B3GALT1: variants seen among roughly 807,000 people sequenced by gnomAD.
The protein encoded by B3GALT1 is UDP-Gal:betaGlcNAc beta 1,3-galactosyltransferase, polypeptide 1.
B3GALT1 carries 10 observed loss-of-function variants against 23.2 expected under a neutral mutation model. The ratio of observed to expected loss-of-function variants is 0.43; its 90% CI spans 0.27 to 0.73. The LOEUF is 0.73. B3GALT1 is among the 30% of genes least tolerant of loss of function. B3GALT1 has a pLI of 0.21. For missense variants in B3GALT1, 299 were observed against 405.4 expected, an observed-to-expected ratio of 0.74 and a Z score of 2.25; for synonymous variants, 156 against 141.5, an observed-to-expected ratio of 1.10 and a Z score of -0.73.
chr2:167,352,170 T>C lies in B3GALT1; in HGVS notation c.-511+58836T>C, dbSNP rs536280545. Reference sequence around the variant, plus strand: ...TTTTCGTAGAGAAGGGGTTTCCCCATGTTGGCCAGGATGGTCTTGATCTCC... The same window carrying C: ...TTTTCGTAGAGAAGGGGTTTCCCCACGTTGGCCAGGATGGTCTTGATCTCC... On this transcript the variant is annotated intron_variant, in intron 1 of 4. Coordinates refer to ENST00000392690, the MANE Select transcript of B3GALT1 (RefSeq NM_020981.4). Among the ~76,000 whole-genome samples the C allele has an allele frequency of 3.5e-3, 532 of 150,268 alleles. 2 individuals are homozygous for C. Among genetic ancestry groups the C allele is most frequent in the African/African-American group, 0.012 (501 of 40,780 alleles).
At chr2:167,308,815 A>G (rs1259488616) in intron 1 of B3GALT1, among the ~76,000 whole-genome samples, 1 of 151,998 alleles carries the variant, frequency 6.6e-6, no homozygotes, top group African/African-American at 2.4e-5. Context: ...AAGTGACTTG[A>G]TGGCTGATCC....
At chr2:167,576,021 A>G (rs1412465493) in intron 2 of B3GALT1, among the ~76,000 whole-genome samples, 1 of 151,778 alleles carries the variant, frequency 6.6e-6, no homozygotes, top group Non-Finnish European at 1.5e-5. Context: ...AAAAATCCAT[A>G]TACTCAGTAC....
intron 2 of B3GALT1, among the ~76,000 whole-genome samples, chr2:167,499,565 G>C (rs1468508902): frequency 6.6e-6 from 1 of 152,106 alleles, no homozygotes; most frequent in African/African-American, 2.4e-5. Context: ...ACTAGAAGTG[G>C]TTACCTAAAA....
chr2:167,566,210 A>G (rs1308459309), intron 2 of B3GALT1, among the ~76,000 whole-genome samples: 3 of 152,314 alleles, frequency 2.0e-5, no homozygotes, highest in Admixed American at 6.5e-5. Flanking sequence ...AGGAACATGG[A>G]TGAAATTGAA....
At chr2:167,615,465 G>A (rs1685143905) in intron 2 of B3GALT1, among the ~76,000 whole-genome samples, 1 of 151,896 alleles carries the variant, frequency 6.6e-6, no homozygotes, top group Admixed American at 6.6e-5. Flanking sequence ...AAGTTTAGAA[G>A]GTCTACTGTG....
chr2:167,352,420 T>A (rs1434248481), intron 1 of B3GALT1, among the ~76,000 whole-genome samples: 1 of 151,468 alleles, frequency 6.6e-6, no homozygotes, highest in East Asian at 2.0e-4. Context: ...TGTGAAATAA[T>A]TAAGATATCT....
intron 3 of B3GALT1, among the ~76,000 whole-genome samples, chr2:167,669,235 T>G (rs1295952214): frequency 6.6e-6 from 1 of 152,244 alleles, no homozygotes; most frequent in Non-Finnish European, 1.5e-5. Flanking sequence ...GTATACTTAT[T>G]GAATGGTTCC....
intron 1 of B3GALT1, among the ~76,000 whole-genome samples, chr2:167,344,873 C>T (rs896889597): frequency 2.0e-5 from 3 of 152,096 alleles, no homozygotes; most frequent in Non-Finnish European, 4.4e-5. Context: ...AATTTTCTTC[C>T]AGTCATATGA....
At chr2:167,368,204 G>T (rs1697622685) in intron 1 of B3GALT1, among the ~76,000 whole-genome samples, 1 of 152,166 alleles carries the variant, frequency 6.6e-6, no homozygotes, top group South Asian at 2.1e-4. Context: ...GAGAAAAATT[G>T]TCTTCTGGAG....
intron 1 of B3GALT1, among the ~76,000 whole-genome samples, chr2:167,424,120 A>G (rs1329700095): frequency 1.3e-5 from 2 of 152,214 alleles, no homozygotes; most frequent in African/African-American, 2.4e-5. Context: ...GCAATTTATT[A>G]AGCATCTAAC....
chr2:167,767,157 T>C (rs1267915460), intron 3 of B3GALT1, among the ~76,000 whole-genome samples: 1 of 152,232 alleles, frequency 6.6e-6, no homozygotes, highest in Non-Finnish European at 1.5e-5. Flanking sequence ...GTTTGTTCAA[T>C]CTTAAATTTT....
chr2:167,331,679 G>A (rs1696974559), intron 1 of B3GALT1, among the ~76,000 whole-genome samples: 1 of 152,166 alleles, frequency 6.6e-6, no homozygotes, highest in African/African-American at 2.4e-5. Context: ...GGATTGGGGA[G>A]GAGGGCCAGA....
At chr2:167,668,841 C>T (rs1375728536) in intron 3 of B3GALT1, among the ~76,000 whole-genome samples, 4 of 152,222 alleles carry the variant, frequency 2.6e-5, no homozygotes, top group Non-Finnish European at 5.9e-5. Flanking sequence ...GACCTGCGCC[C>T]ACTGTCTGGC....
chr2:167,525,913 G>T (rs1319154691), intron 2 of B3GALT1, among the ~76,000 whole-genome samples: 1 of 151,912 alleles, frequency 6.6e-6, no homozygotes, highest in Non-Finnish European at 1.5e-5. Flanking sequence ...GAGCCATCTA[G>T]CCTGGTGGAA....
intron 2 of B3GALT1, among the ~76,000 whole-genome samples, chr2:167,613,984 A>G (rs1052220639): frequency 1.3e-5 from 2 of 151,834 alleles, no homozygotes; most frequent in Non-Finnish European, 2.9e-5. Context: ...ATTAAAGGCT[A>G]TGATGAGACC....
At chr2:167,521,711 C>T (rs889492216) in intron 2 of B3GALT1, among the ~76,000 whole-genome samples, 3 of 151,942 alleles carry the variant, frequency 2.0e-5, no homozygotes, top group Admixed American at 2.0e-4. Context: ...ACAGGACACT[C>T]AGTTCTTTAC....
intron 1 of B3GALT1, among the ~76,000 whole-genome samples, chr2:167,360,130 A>G (rs1220935786): frequency 1.3e-5 from 2 of 152,192 alleles, no homozygotes; most frequent in Admixed American, 6.5e-5. Context: ...AATCAATTGT[A>G]AAATTAAAGT....
In B3GALT1 at chr2:167,478,877, C is replaced by T. The variant is rs868502432; in HGVS notation, c.-510-11300C>T. 7.9e-5 allele frequency among the ~76,000 whole-genome samples: 12 copies of T among 152,018 alleles called. No individual in the cohort carries two copies. In the South Asian group the frequency reaches 2.5e-3, roughly 31 times the overall value. On this transcript the variant is annotated intron_variant, in intron 1 of 4. Transcript: ENST00000392690. Reference sequence around the variant, plus strand: ...ATGATGGTTGTGTGAAACCAGCTTTCTAAATTTTCTTCAAATATTTGAAAA... The same window carrying T: ...ATGATGGTTGTGTGAAACCAGCTTTTTAAATTTTCTTCAAATATTTGAAAA...
At chr2:167,310,776 A>T (rs558846394) in intron 1 of B3GALT1, among the ~76,000 whole-genome samples, 1 of 152,208 alleles carries the variant, frequency 6.6e-6, no homozygotes, top group East Asian at 1.9e-4. Flanking sequence ...ATAACAAGAA[A>T]AAAAAGAAGC....
Sources: gnomAD v4.1 joint callset for allele counts (sites outside exome capture counted in the v4.1 genomes callset) on GRCh38, gnomAD v4.1.1 for gene constraint, MANE v1.5 for transcripts, NCBI Gene and HGNC (gene_info 2026-07-23, HGNC 2026-07-21) for gene names.